The following TRIO variants were observed in gnomAD, a reference collection of about 807,000 sequenced individuals.
TRIO encodes the protein trio Rho guanine nucleotide exchange factor, also known as triple functional domain protein.
A neutral mutation model predicts 351.9 loss-of-function variants in TRIO; 58 were observed. The ratio of observed to expected loss-of-function variants is 0.16; its 90% CI spans 0.13 to 0.21. The LOEUF (loss-of-function observed/expected upper bound fraction) is 0.21, where lower values mean the gene tolerates loss of function less well. Ranked by LOEUF, TRIO falls within the 10% of genes least tolerant of loss-of-function variation. The pLI is 1.00. For synonymous variants in TRIO, 1,758 were observed against 1,595.7 expected, an observed-to-expected ratio of 1.10 and a Z score of -2.42; for missense variants, 3,201 against 4,027.8, an observed-to-expected ratio of 0.79 and a Z score of 5.56.
chr5:14,374,289 G>A lies in TRIO; in HGVS notation c.3277G>A (p.Val1093Met), dbSNP rs767445416. ...CCTGAAATACCTGCACAGGAACAGC[G>A]TGAACATGCCAGGAATGGTGACGCA... Reference protein sequence around the residue: ...VFLKYLHRNSVNMPGMVTHIK... With the variant: ...VFLKYLHRNSMNMPGMVTHIK... The change falls in exon 19 of 57, where the codon GTG (valine) becomes ATG (methionine). Residue 1093 changes from valine (V) to methionine (M), a missense_variant. Coordinates refer to ENST00000344204, the MANE Select transcript of TRIO (RefSeq NM_007118.4). 16 of 1,613,674 alleles carry A rather than the reference G, an allele frequency of 9.9e-6. No individual in the cohort carries two copies. The highest frequency in any genetic ancestry group is 1.7e-5 in the Admixed American group (1 of 60,004).
intron 1 of TRIO, among the ~76,000 whole-genome samples, chr5:14,213,158 G>A (rs914184182): frequency 3.3e-5 from 5 of 152,130 alleles, no homozygotes; most frequent in South Asian, 2.1e-4. Context: ...CACTTAGAGC[G>A]CAGAAGGATT....
chr5:14,298,590 T>A (rs1339147491), intron 7 of TRIO, among the ~76,000 whole-genome samples: 1 of 152,118 alleles, frequency 6.6e-6, no homozygotes, highest in Admixed American at 6.5e-5. Context: ...TAAAGGAAGA[T>A]AGAGGCCCCA....
At chr5:14,434,706 A>G (rs955439833) in intron 34 of TRIO, among the ~76,000 whole-genome samples, 2 of 152,208 alleles carry the variant, frequency 1.3e-5, no homozygotes, top group African/African-American at 4.8e-5. Context: ...CTGGCTTAAT[A>G]GTCAATTAAG....
At chr5:14,431,297 C>T (rs1346015924) in intron 34 of TRIO, among the ~76,000 whole-genome samples, 1 of 152,168 alleles carries the variant, frequency 6.6e-6, no homozygotes. Flanking sequence ...CCTCAGACTT[C>T]AGGCAATTGG....
At chr5:14,469,598 G>C (rs1754528439) in intron 37 of TRIO, among the ~76,000 whole-genome samples, 1 of 152,236 alleles carries the variant, frequency 6.6e-6, no homozygotes, top group Non-Finnish European at 1.5e-5. Flanking sequence ...TTTTGAGACA[G>C]CCTTAGGCTG....
chr5:14,403,471 T>TGTGGTGAGGGTGCAGGTGGTG (rs1748356215), intron 31 of TRIO, among the ~76,000 whole-genome samples: 1 of 29,794 alleles, frequency 3.4e-5, no homozygotes, highest in Non-Finnish European at 6.5e-5. Context: ...GGGTGCAGGT[T>TGTGGTGAGGGTGCAGGTGGTG]GTGGTGAGGG....
intron 7 of TRIO, among the ~76,000 whole-genome samples, chr5:14,298,929 TG>T (rs1737621749): frequency 1.3e-5 from 2 of 152,228 alleles, no homozygotes; most frequent in African/African-American, 4.8e-5. Context: ...TCCTTATCGT[TG>T]TACAAAGTAG....
Position 14,474,107 on chromosome 5 carries a change from C to T in TRIO, c.6083+10C>T. 6.2e-7 allele frequency: 1 copy of T among 1,610,256 alleles called. No individual in the cohort carries two copies. The highest frequency in any genetic ancestry group is 8.5e-7 in the Non-Finnish European group (1 of 1,176,842). Reference sequence around the variant, plus strand: ...ACGACTGGCACAGAGAGTACGTAAACATGCATTGTGCCCGATGGTGTGCAA... The same window carrying T: ...ACGACTGGCACAGAGAGTACGTAAATATGCATTGTGCCCGATGGTGTGCAA... On this transcript the variant is annotated intron_variant, in intron 40 of 56. Coordinates refer to ENST00000344204, the MANE Select transcript of TRIO (RefSeq NM_007118.4).
At chr5:14,504,711 T>TA in intron 55 of TRIO, 118 bp downstream of exon 55, 1 of 1,268,474 alleles carries the variant, frequency 7.9e-7, no homozygotes. Context: ...TTTACAGAAC[T>TA]AAAAAACATC....
intron 34 of TRIO, among the ~76,000 whole-genome samples, chr5:14,455,648 A>G (rs572311671): frequency 2.5e-4 from 38 of 152,148 alleles, no homozygotes; most frequent in Admixed American, 1.2e-3. Context: ...TGTATTTACA[A>G]TCCTTTAACT....
intron 48 of TRIO, chr5:14,489,176 TC>T (rs1756289375): frequency 3.4e-6 from 2 of 588,250 alleles, no homozygotes; most frequent in African/African-American, 3.7e-5. Flanking sequence ...AAAAAAAAAA[TC>T]TAGCTTTTGC....
intron 1 of TRIO, among the ~76,000 whole-genome samples, chr5:14,262,146 A>G (rs996693540): frequency 2.0e-4 from 30 of 152,234 alleles, no homozygotes; most frequent in African/African-American, 7.0e-4. Flanking sequence ...GGGACTCAGC[A>G]TAGCCCCTTT....
chr5:14,463,158 C>T (rs759413988), intron 36 of TRIO, among the ~76,000 whole-genome samples: 32 of 152,238 alleles, frequency 2.1e-4, no homozygotes, highest in Non-Finnish European at 4.0e-4. Context: ...ACACATGTGG[C>T]TCAATGCATT....
intron 1 of TRIO, among the ~76,000 whole-genome samples, chr5:14,241,146 TA>T (rs1288070703): frequency 1.3e-5 from 2 of 152,246 alleles, no homozygotes; most frequent in Non-Finnish European, 2.9e-5. Flanking sequence ...GAAGACTTGC[TA>T]AAACAATTTG....
intron 55 of TRIO, 109 bp from the exon 56 acceptor site, chr5:14,507,013 A>G: frequency 7.1e-7 from 1 of 1,401,774 alleles, no homozygotes; most frequent in South Asian, 1.7e-5. Context: ...TGAGATCCCG[A>G]TGACACATTC....
intron 27 of TRIO, among the ~76,000 whole-genome samples, chr5:14,393,036 G>A (rs370719511): frequency 1.1e-4 from 16 of 147,634 alleles, no homozygotes; most frequent in African/African-American, 3.6e-4. Flanking sequence ...GACAGAGCGA[G>A]ACTCCATCTC....
intron 19 of TRIO, among the ~76,000 whole-genome samples, chr5:14,377,765 C>T (rs1022994073): frequency 5.3e-5 from 8 of 151,982 alleles, no homozygotes; most frequent in Non-Finnish European, 1.0e-4. Context: ...TCCATCCAGC[C>T]GGAGGTATTA....
intron 11 of TRIO, among the ~76,000 whole-genome samples, chr5:14,338,629 C>A (rs1328696295): frequency 6.6e-6 from 1 of 152,190 alleles, no homozygotes; most frequent in Non-Finnish European, 1.5e-5. Context: ...AGAACATGGG[C>A]CAGGAGCACA....
At chr5:14,356,702 C>T (rs558438598) in intron 11 of TRIO, among the ~76,000 whole-genome samples, 1 of 152,200 alleles carries the variant, frequency 6.6e-6, no homozygotes, top group African/African-American at 2.4e-5. Flanking sequence ...TGTAGTGGCT[C>T]CAAACTGGAA....
Sources: allele counts gnomAD v4.1 joint callset (sites outside exome capture counted in the v4.1 genomes callset), GRCh38; gene constraint gnomAD v4.1.1; transcripts MANE v1.5; gene names NCBI Gene and HGNC (gene_info 2026-07-23, HGNC 2026-07-21).